The following TANK variants were observed in gnomAD, a reference collection of about 807,000 sequenced individuals.
The protein encoded by TANK is TRAF family member-associated NF-kappa-B activator.
TANK carries 15 observed loss-of-function variants against 43.6 expected under a neutral mutation model. That is an observed-to-expected ratio of 0.34 (90% CI 0.23 to 0.53). The LOEUF (loss-of-function observed/expected upper bound fraction) is 0.53, where lower values mean the gene tolerates loss of function less well. Among genes scored for constraint, TANK ranks in the 20% least tolerant of loss-of-function variants. The pLI, the probability that TANK is intolerant of heterozygous loss-of-function variation, is 0.94. For missense variants in TANK, 417 were observed against 498.6 expected, an observed-to-expected ratio of 0.84 and a Z score of 1.56; for synonymous variants, 162 against 178.2, an observed-to-expected ratio of 0.91 and a Z score of 0.73.
chr2:161,156,384 C>T, upstream of TANK: 1 of 983,750 alleles, frequency 1.0e-6, no homozygotes, highest in African/African-American at 1.7e-5. Context: ...TTCACCTTGT[C>T]TCTAGTTCCC....
chr2:161,160,403 C>G (rs1684358383), upstream of TANK: 1 of 1,240,918 alleles, frequency 8.1e-7, no homozygotes, highest in South Asian at 3.7e-5. Flanking sequence ...TGAACTGGAA[C>G]AAAATGCAAC....
chr2:161,227,140 G>C (rs1444231823), intron 6 of TANK: 1 of 152,204 alleles, frequency 6.6e-6, no homozygotes, highest in Non-Finnish European at 1.5e-5. Context: ...ATTTCTAGTA[G>C]CATTAGGAAT....
intron 4 of TANK, among the ~76,000 whole-genome samples, chr2:161,208,567 T>C (rs1469396140): frequency 1.3e-5 from 2 of 152,182 alleles, no homozygotes; most frequent in Non-Finnish European, 2.9e-5. Flanking sequence ...CCTGAGTTTC[T>C]ATGGGTCAGA....
chr2:161,169,095 G>A lies in TANK; in HGVS notation c.-50+8609G>A, dbSNP rs1684827304. Among the ~76,000 whole-genome samples the A allele has an allele frequency of 3.3e-5, 5 of 152,286 alleles. No homozygotes were observed. In the South Asian group the frequency reaches 1.0e-3, roughly 32 times the overall value. ...GATATAAAACAAGATTCAGGAGACT[G>A]AAAATGAGGGATTCAATTAAAGAAA... On this transcript the variant is annotated intron_variant, in intron 1 of 7. Coordinates refer to ENST00000392749, the MANE Select transcript of TANK (RefSeq NM_001199135.3).
At chr2:161,230,898 C>T in intron 6 of TANK, 73 bp from the exon 7 acceptor site, 1 of 1,174,910 alleles carries the variant, frequency 8.5e-7, no homozygotes, top group Non-Finnish European at 1.2e-6. Flanking sequence ...AATAATCTCT[C>T]CAAAGCTGAT....
At chr2:161,171,498 A>AGCT (rs1212085245) in intron 1 of TANK, among the ~76,000 whole-genome samples, 8 of 152,170 alleles carry the variant, frequency 5.3e-5, no homozygotes, top group African/African-American at 1.9e-4. Context: ...GGATATGAAG[A>AGCT]GCTGTAGAGT....
chr2:161,229,878 G>T (rs1389542268), intron 6 of TANK, among the ~76,000 whole-genome samples: 1 of 152,162 alleles, frequency 6.6e-6, no homozygotes, highest in African/African-American at 2.4e-5. Flanking sequence ...AAGGGACATT[G>T]TGGAGCTTAA....
At chr2:161,229,472 T>C in intron 6 of TANK, among the ~76,000 whole-genome samples, 1 of 152,042 alleles carries the variant, frequency 6.6e-6, no homozygotes, top group East Asian at 1.9e-4. Context: ...ATGAGACAAA[T>C]TCAGAGGCAA....
chr2:161,229,970 C>G (rs907472642), intron 6 of TANK, among the ~76,000 whole-genome samples: 1 of 152,082 alleles, frequency 6.6e-6, no homozygotes, highest in African/African-American at 2.4e-5. Context: ...ACTCATTGGC[C>G]CTATACTAGA....
chr2:161,231,453 A>G lies in TANK; in HGVS notation c.1003A>G (p.Asn335Asp), dbSNP rs1461298753. The G allele has an allele frequency of 6.2e-7, 1 of 1,614,190 alleles. No homozygotes were observed. The highest frequency in any genetic ancestry group is 8.5e-7 in the Non-Finnish European group (1 of 1,180,026). ...TGCGTGTTTGCCACCTGGAGACCAT[A>G]ATGCATTATATGTAAATAGCTTCCC... ...RAACLPPGDH[N>D]ALYVNSFPLL... The change falls in exon 7 of 8, where the codon AAT becomes GAT. Residue 335 changes from asparagine to aspartate, a missense_variant. Coordinates refer to ENST00000392749, the MANE Select transcript of TANK (RefSeq NM_001199135.3).
intron 4 of TANK, among the ~76,000 whole-genome samples, chr2:161,221,600 T>C (rs1365949357): frequency 6.6e-6 from 1 of 152,054 alleles, no homozygotes; most frequent in African/African-American, 2.4e-5. Flanking sequence ...AAAATAGCAT[T>C]AACATGTTAT....
chr2:161,229,061 G>A (rs757358626), intron 6 of TANK, among the ~76,000 whole-genome samples: 5 of 152,318 alleles, frequency 3.3e-5, no homozygotes, highest in African/African-American at 4.8e-5. Flanking sequence ...GTGTGTTTCA[G>A]TTCTCAGGGC....
At chr2:161,207,515 G>A (rs961998418) in intron 4 of TANK, 6 of 984,452 alleles carry the variant, frequency 6.1e-6, no homozygotes, top group African/African-American at 1.7e-5. Context: ...AGCACTAAAC[G>A]TATAAGGGAT....
chr2:161,188,867 A>G (rs1057265525), intron 2 of TANK, among the ~76,000 whole-genome samples: 2 of 152,162 alleles, frequency 1.3e-5, no homozygotes, highest in Non-Finnish European at 2.9e-5. Context: ...TCTGCCCCCC[A>G]TGGGCATAAT....
intron 2 of TANK, among the ~76,000 whole-genome samples, chr2:161,184,389 G>A (rs139061708): frequency 3.3e-5 from 5 of 152,132 alleles, no homozygotes; most frequent in African/African-American, 9.6e-5. Flanking sequence ...AAAATAACTG[G>A]CAACTATCCA....
chr2:161,170,505 T>C (rs1473302205), intron 1 of TANK, among the ~76,000 whole-genome samples: 2 of 152,230 alleles, frequency 1.3e-5, no homozygotes, highest in African/African-American at 4.8e-5. Context: ...AAGGCAACTT[T>C]ATGAAAGCCT....
At chr2:161,154,602 C>A (rs1256461790) in intron 1 of TANK, among the ~76,000 whole-genome samples, 1 of 152,088 alleles carries the variant, frequency 6.6e-6, no homozygotes, top group Admixed American at 6.5e-5. Context: ...TGTAAGCATG[C>A]AAGAAATACT....
chr2:161,160,587 G>A, intron 1 of TANK, 101 bp downstream of exon 1: 14 of 985,082 alleles, frequency 1.4e-5, no homozygotes, highest in Non-Finnish European at 1.5e-5. Flanking sequence ...CAGTAGGGGC[G>A]CCGCAGGGAG....
chr2:161,213,585 G>A (rs935658776), intron 4 of TANK, among the ~76,000 whole-genome samples: 17 of 145,910 alleles, frequency 1.2e-4, no homozygotes, highest in African/African-American at 3.6e-4. Context: ...CTGGGCAAGC[G>A]TGAGACTTTG....
Sources: allele counts gnomAD v4.1 joint callset (sites outside exome capture counted in the v4.1 genomes callset), GRCh38; gene constraint gnomAD v4.1.1; transcripts MANE v1.5; gene names NCBI Gene and HGNC (gene_info 2026-07-23, HGNC 2026-07-21).